IGF2BP3: variants seen among roughly 807,000 people sequenced by gnomAD.
The protein encoded by IGF2BP3 is insulin like growth factor 2 mRNA binding protein 3.
IGF2BP3 carries 9 observed loss-of-function variants against 73.8 expected under a neutral mutation model. That is an observed-to-expected ratio of 0.12 (90% confidence interval 0.07 to 0.21). IGF2BP3 has a LOEUF of 0.21. IGF2BP3 is among the 10% of genes least tolerant of loss of function. The pLI is 1.00. For synonymous variants in IGF2BP3, 258 were observed against 256.7 expected, an observed-to-expected ratio of 1.01 and a Z score of -0.05; for missense variants, 542 against 714.0, an observed-to-expected ratio of 0.76 and a Z score of 2.75.
intron 3 of IGF2BP3, among the ~76,000 whole-genome samples, chr7:23,398,890 T>C (rs370588485): frequency 5.3e-5 from 8 of 152,264 alleles, no homozygotes; most frequent in East Asian, 1.9e-4. Flanking sequence ...GTTTCTTTTG[T>C]TGTGCAGAAG....
chr7:23,410,732 T>C (rs548265779), intron 3 of IGF2BP3, among the ~76,000 whole-genome samples: 2 of 152,300 alleles, frequency 1.3e-5, no homozygotes, highest in African/African-American at 2.4e-5. Flanking sequence ...GAGGATCCAG[T>C]TTCTATTGGC....
At chr7:23,318,597 C>T (rs1213284176) in intron 11 of IGF2BP3, among the ~76,000 whole-genome samples, 1 of 152,150 alleles carries the variant, frequency 6.6e-6, no homozygotes, top group East Asian at 1.9e-4. Flanking sequence ...TTACGGCAGA[C>T]ACCATTATTT....
chr7:23,362,810 G>A (rs1177258213), intron 3 of IGF2BP3: 1 of 152,170 alleles, frequency 6.6e-6, no homozygotes, highest in Non-Finnish European at 1.5e-5. Context: ...CTGGAGTGCA[G>A]TGGCATGATC....
chr7:23,334,864 T>C (rs1748299373), intron 10 of IGF2BP3, among the ~76,000 whole-genome samples: 1 of 152,008 alleles, frequency 6.6e-6, no homozygotes, highest in Non-Finnish European at 1.5e-5. Context: ...GGGGACAAAA[T>C]CTAAGACATC....
intron 2 of IGF2BP3, among the ~76,000 whole-genome samples, chr7:23,443,136 T>C (rs560703134): frequency 1.5e-5 from 2 of 132,148 alleles, no homozygotes; most frequent in South Asian, 5.1e-4. Context: ...TTTTTGAGAC[T>C]GTGTCTTGCT....
In IGF2BP3 at chr7:23,369,482, G is replaced by A. The variant is rs547090405; in HGVS notation, c.286-7741C>T. 2.2e-4 allele frequency among the ~76,000 whole-genome samples: 34 copies of A among 152,220 alleles called. 1 individual carries two copies. Among genetic ancestry groups the A allele is most frequent in the African/African-American group, 7.0e-4 (29 of 41,534 alleles). On this transcript the variant is annotated intron_variant, in intron 3 of 14. Coordinates refer to ENST00000258729, the MANE Select transcript of IGF2BP3 (RefSeq NM_006547.3). ...TCTCCTTGCTTGACAGTCTTACCAC[G>A]AACTTTTCTCTTTACAAAAGAACCT...
rs1788632323 is a variant in IGF2BP3 at position 23,468,810 on chromosome 7, G to C, written c.176-268C>G. Among the ~76,000 whole-genome samples the C allele has an allele frequency of 3.3e-5, 5 of 152,220 alleles. No homozygotes were observed. The South Asian group carries it at 1.0e-3, about 32-fold the overall frequency. ...TCCAAGCCTCCCCCACCCACCCCTG[G>C]GGGCCACCAACACCACGAGGCCCGC... On this transcript the variant is annotated intron_variant, in intron 1 of 14. Coordinates refer to ENST00000258729, the MANE Select transcript of IGF2BP3 (RefSeq NM_006547.3).
chr7:23,455,864 T>C (rs943420062), intron 2 of IGF2BP3, among the ~76,000 whole-genome samples: 101 of 152,270 alleles, frequency 6.6e-4, no homozygotes, highest in Non-Finnish European at 1.2e-3. Flanking sequence ...TTTTTGTATT[T>C]TTAGTAGAGA....
intron 2 of IGF2BP3, among the ~76,000 whole-genome samples, chr7:23,462,683 T>C (rs914784421): frequency 6.6e-6 from 1 of 152,192 alleles, no homozygotes; most frequent in African/African-American, 2.4e-5. Flanking sequence ...CTACAATAAC[T>C]TTAAACTATT....
At chr7:23,369,765 A>AT (rs2128511213) in intron 3 of IGF2BP3, among the ~76,000 whole-genome samples, 1 of 152,140 alleles carries the variant, frequency 6.6e-6, no homozygotes, top group African/African-American at 2.4e-5. Flanking sequence ...ACGTGATCAG[A>AT]TTTTCTCAGC....
At chr7:23,363,034 C>T (rs181609118) in intron 3 of IGF2BP3, among the ~76,000 whole-genome samples, 2 of 152,276 alleles carry the variant, frequency 1.3e-5, no homozygotes, top group African/African-American at 4.8e-5. Flanking sequence ...GGATTACAGA[C>T]GTGAGCCACT....
chr7:23,401,700 G>T (rs1786669388), intron 3 of IGF2BP3, among the ~76,000 whole-genome samples: 2 of 152,082 alleles, frequency 1.3e-5, no homozygotes, highest in African/African-American at 4.8e-5. Context: ...AGGAGGTAAA[G>T]GTTGCAGTGA....
intron 2 of IGF2BP3, among the ~76,000 whole-genome samples, chr7:23,445,486 C>T (rs1788037849): frequency 2.0e-5 from 3 of 151,340 alleles, no homozygotes; most frequent in East Asian, 2.0e-4. Context: ...GTTTCGTATA[C>T]ACTATAGAGT....
chr7:23,401,741 G>A (rs1055897914), intron 3 of IGF2BP3, among the ~76,000 whole-genome samples: 1 of 151,432 alleles, frequency 6.6e-6, no homozygotes, highest in Non-Finnish European at 1.5e-5. Flanking sequence ...CTCCAGCCTG[G>A]GTTACAGAAC....
At chr7:23,377,754 A>G (rs1423157606) in intron 3 of IGF2BP3, among the ~76,000 whole-genome samples, 3 of 152,222 alleles carry the variant, frequency 2.0e-5, no homozygotes, top group African/African-American at 7.2e-5. Context: ...TATTCACACA[A>G]TAATTATTAC....
intron 6 of IGF2BP3, among the ~76,000 whole-genome samples, chr7:23,350,501 T>C (rs1784933503): frequency 6.6e-6 from 1 of 152,126 alleles, no homozygotes; most frequent in Non-Finnish European, 1.5e-5. Flanking sequence ...CAAGCTTCTT[T>C]GGGTCAAAAA....
rs375007904 is a variant in IGF2BP3, at chr7:23,427,453, AGAG to A, written c.237-8632_237-8630del. Among the ~76,000 whole-genome samples the A allele has an allele frequency of 2.9e-4, 44 of 152,318 alleles. No individual in the cohort carries two copies. The East Asian group carries it at 7.7e-3, about 27-fold the overall frequency. On this transcript the variant is annotated intron_variant, in intron 2 of 14. Transcript: ENST00000258729. The stretch of plus-strand genomic sequence containing the variant: ...AATCCCTGTTTCAATCTCTGCTTTA[AGAG>A]GAGTCCAGGCTGGGCACAGTGGCTC...
chr7:23,419,076 G>C (rs978222419), intron 2 of IGF2BP3, among the ~76,000 whole-genome samples: 1 of 152,196 alleles, frequency 6.6e-6, no homozygotes, highest in Non-Finnish European at 1.5e-5. Context: ...TTGGCAGATA[G>C]AATGTTTAAA....
At chr7:23,390,124 C>T (rs530468500) in intron 3 of IGF2BP3, among the ~76,000 whole-genome samples, 1 of 152,222 alleles carries the variant, frequency 6.6e-6, no homozygotes, top group African/African-American at 2.4e-5. Flanking sequence ...TATGGAAAAA[C>T]AATGTCTTGT....
Sources: allele counts gnomAD v4.1 joint callset (sites outside exome capture counted in the v4.1 genomes callset), GRCh38; gene constraint gnomAD v4.1.1; transcripts MANE v1.5; gene names NCBI Gene and HGNC (gene_info 2026-07-23, HGNC 2026-07-21).